The following UPP2 variants were observed in gnomAD, a reference collection of about 807,000 sequenced individuals.
UPP2 encodes the protein UPase 2.
Under a neutral mutation model 26.7 loss-of-function variants are expected in UPP2, and 23 were observed. That is an observed-to-expected ratio of 0.86 (90% confidence interval 0.62 to 1.22). The LOEUF (loss-of-function observed/expected upper bound fraction) is 1.22. UPP2 is among the 50% of genes most tolerant of loss of function. The pLI, the probability that UPP2 is intolerant of heterozygous loss-of-function variation, is 0.00. For missense variants in UPP2, 387 were observed against 396.7 expected (o/e 0.98, Z 0.21); for synonymous variants, 127 against 141.3 (o/e 0.90, Z 0.72).
At chr2:158,118,067 T>C in intron 4 of UPP2, 129 bp downstream of exon 4, 6 of 722,682 alleles carry the variant, frequency 8.3e-6, no homozygotes, top group Non-Finnish European at 1.4e-5. Flanking sequence ...AAGGCTGGAC[T>C]TGAGGAAACT....
At chr2:158,052,632 C>T (rs1314133039) in intron 3 of UPP2, among the ~76,000 whole-genome samples, 1 of 152,160 alleles carries the variant, frequency 6.6e-6, no homozygotes, top group Non-Finnish European at 1.5e-5. Flanking sequence ...GGTTACTTAA[C>T]ATCTTTGGGC....
rs771217782 is a variant in UPP2 at position 158,124,359 on chromosome 2, AAGG to A, written c.811+467_811+469del. Among the ~76,000 whole-genome samples the A allele has an allele frequency of 3.9e-4, 60 of 152,308 alleles. 1 individual carries two copies. The highest frequency in any genetic ancestry group is 7.4e-4 in the Non-Finnish European group (50 of 68,024). On this transcript the variant is annotated intron_variant, in intron 6 of 6. Coordinates refer to ENST00000005756, the MANE Select transcript of UPP2 (RefSeq NM_173355.4). ...TCCAAGGCCACAGACAGGAGCATTC[AAGG>A]AGAATTGGAGGAACAGGGAAGAGAT...
chr2:158,132,058 C>CT (rs1331577433), intron 6 of UPP2, among the ~76,000 whole-genome samples: 1 of 152,208 alleles, frequency 6.6e-6, no homozygotes, highest in African/African-American at 2.4e-5. Flanking sequence ...TTCTGTGCGA[C>CT]TGCCAGCCCA....
chr2:158,037,133 G>C (rs1367450071), intron 3 of UPP2, among the ~76,000 whole-genome samples: 2 of 152,152 alleles, frequency 1.3e-5, no homozygotes, highest in African/African-American at 2.4e-5. Flanking sequence ...CCAGCACTTT[G>C]GGAGGCTAAG....
At chr2:158,072,312 A>G (rs548928920) in intron 3 of UPP2, among the ~76,000 whole-genome samples, 1 of 152,296 alleles carries the variant, frequency 6.6e-6, no homozygotes, top group South Asian at 2.1e-4. Flanking sequence ...TAACCACAGC[A>G]GAATAAAACA....
At position 158,014,820 on chromosome 2, in the gene UPP2, GA is replaced by G. The variant is rs200760526; in HGVS notation, c.62-978del. Among the ~76,000 whole-genome samples the G allele has an allele frequency of 8.5e-5, 13 of 152,230 alleles. No individual in the cohort carries two copies. In the East Asian group the frequency reaches 2.5e-3, roughly 29 times the overall value. On this transcript the variant is annotated intron_variant, in intron 2 of 9. Coordinates refer to the UPP2 transcript ENST00000605860. ...CACCCAAATCATTCAGTTTCCTAGG[GA>G]AATTTGGTTCTAAGCAACTCTTGAA... is the stretch of plus-strand genomic sequence containing the variant.
intron 3 of UPP2, among the ~76,000 whole-genome samples, chr2:158,081,080 G>C (rs1682716502): frequency 6.6e-6 from 1 of 152,194 alleles, no homozygotes; most frequent in African/African-American, 2.4e-5. Context: ...ACAGACATAA[G>C]AATCAAGTGT....
intron 2 of UPP2, among the ~76,000 whole-genome samples, chr2:158,009,189 A>G (rs1411495123): frequency 3.9e-5 from 6 of 152,144 alleles, no homozygotes; most frequent in African/African-American, 1.4e-4. Flanking sequence ...TTCTGGCTAG[A>G]TTTTTTCAGG....
At chr2:157,997,271 C>T (rs1558898708) in intron 2 of UPP2, among the ~76,000 whole-genome samples, 1 of 151,956 alleles carries the variant, frequency 6.6e-6, no homozygotes, top group Non-Finnish European at 1.5e-5. Flanking sequence ...TATTTTACTG[C>T]CAGTCATTCT....
chr2:158,048,183 T>C (rs1682075931), intron 3 of UPP2, among the ~76,000 whole-genome samples: 1 of 152,082 alleles, frequency 6.6e-6, no homozygotes, highest in East Asian at 1.9e-4. Context: ...TCCTCATGGA[T>C]TGCATTCTGT....
intron 3 of UPP2, among the ~76,000 whole-genome samples, chr2:158,049,696 GC>G (rs1240140452): frequency 1.3e-5 from 2 of 152,178 alleles, no homozygotes; most frequent in African/African-American, 2.4e-5. Flanking sequence ...ATTGACTCAT[GC>G]ATTTGGGATC....
chr2:158,100,950 G>A (rs747902600), upstream of UPP2, among the ~76,000 whole-genome samples: 3 of 152,344 alleles, frequency 2.0e-5, no homozygotes, highest in South Asian at 2.1e-4. Context: ...ACCAGGAAGA[G>A]GAGCATCTTC....
intron 6 of UPP2, among the ~76,000 whole-genome samples, chr2:158,125,474 T>C (rs189658093): frequency 6.6e-6 from 1 of 151,514 alleles, no homozygotes; most frequent in Non-Finnish European, 1.5e-5. Context: ...CTGAGTGTAG[T>C]GGCGCAATCT....
At chr2:157,998,425 T>A (rs1489221553) in intron 2 of UPP2, among the ~76,000 whole-genome samples, 4 of 152,242 alleles carry the variant, frequency 2.6e-5, no homozygotes, top group Non-Finnish European at 4.4e-5. Context: ...CAGAAATGAC[T>A]GTGGGGGATG....
At chr2:158,089,222 G>T (rs1183767416) in intron 3 of UPP2, among the ~76,000 whole-genome samples, 1 of 152,056 alleles carries the variant, frequency 6.6e-6, no homozygotes, top group African/African-American at 2.4e-5. Flanking sequence ...GGGGATTATG[G>T]TTGCCTTTGT....
chr2:158,079,652 C>T (rs1441866719), intron 3 of UPP2, among the ~76,000 whole-genome samples: 1 of 152,132 alleles, frequency 6.6e-6, no homozygotes, highest in African/African-American at 2.4e-5. Flanking sequence ...ATTTCTCTTA[C>T]ATACATTTTT....
Position 158,006,696 on chromosome 2 carries a change from C to T in UPP2, c.62-9105C>T, listed in dbSNP as rs546350877. ...TCCAAGACTCACTTGTTTTGGCAAA[C>T]AAGCTAACAAACCATCTCCAGTGGG... On this transcript the variant is annotated intron_variant, in intron 2 of 9. Coordinates refer to the UPP2 transcript ENST00000605860. 2.2e-4 allele frequency among the ~76,000 whole-genome samples: 33 copies of T among 152,214 alleles called. No individual in the cohort carries two copies. The South Asian group carries it at 3.9e-3, about 18-fold the overall frequency.
upstream of UPP2, chr2:158,101,831 G>A (rs553964437): frequency 2.3e-6 from 3 of 1,298,762 alleles, no homozygotes; most frequent in African/African-American, 3.1e-5. Flanking sequence ...TCTGAGAGCT[G>A]GGCTGTGGTA....
intron 6 of UPP2, among the ~76,000 whole-genome samples, chr2:158,126,222 C>T (rs1299581574): frequency 6.6e-6 from 1 of 152,212 alleles, no homozygotes; most frequent in Non-Finnish European, 1.5e-5. Context: ...GGTTTCCCTC[C>T]TGGATGCTTT....
Sources: gnomAD v4.1 joint callset for allele counts (sites outside exome capture counted in the v4.1 genomes callset) on GRCh38, gnomAD v4.1.1 for gene constraint, MANE v1.5 for transcripts, NCBI Gene and HGNC (gene_info 2026-07-23, HGNC 2026-07-21) for gene names.